The following PCDHGB3 variants were observed in gnomAD, a reference collection of about 807,000 sequenced individuals.
PCDHGB3 encodes protocadherin gamma-B3.
A neutral mutation model predicts 59.2 loss-of-function variants in PCDHGB3; 40 were observed. The ratio of observed to expected loss-of-function variants is 0.68; its 90% CI spans 0.52 to 0.88. The LOEUF is 0.88. Ranked by LOEUF, PCDHGB3 falls within the 40% of genes least tolerant of loss-of-function variation. The pLI is 0.00. For missense variants in PCDHGB3, 1,309 were observed against 1,187.9 expected, an observed-to-expected ratio of 1.10 and a Z score of -1.50; for synonymous variants, 581 against 503.6, an observed-to-expected ratio of 1.15 and a Z score of -2.06.
rs35482758 is a variant in PCDHGB3, at chr5:141,473,653, G to A, written c.2416-21154G>A. On this transcript the variant is annotated intron_variant, in intron 1 of 3. Coordinates refer to ENST00000576222, the MANE Select transcript of PCDHGB3 (RefSeq NM_018924.5). ...AGCTTTCCTGGCAAAGGAACAATTT[G>A]TGTGAAGGCCCTGAGACAGGGAAGG... Among the ~76,000 whole-genome samples, 302 of 152,274 alleles carry A rather than the reference G, an allele frequency of 2.0e-3. 1 individual carries two copies. Among genetic ancestry groups the A allele is most frequent in the Middle Eastern group, 0.01 (3 of 294 alleles).
intron 1 of PCDHGB3, chr5:141,475,949 G>A: frequency 1.3e-6 from 1 of 758,910 alleles, no homozygotes; most frequent in South Asian, 1.9e-5. Flanking sequence ...TCCCCTTTCT[G>A]CGCCCCGGGA....
intron 1 of PCDHGB3, chr5:141,395,523 C>A: frequency 7.5e-6 from 3 of 400,150 alleles, no homozygotes; most frequent in Non-Finnish European, 1.3e-5. Flanking sequence ...CCCGTCCATA[C>A]TGGTAATTTT....
rs148331367 is a variant in PCDHGB3 at position 141,435,055 on chromosome 5, A to C, written c.2416-59752A>C. ...TTTATTTTTTTCCCATTGACCATGC[A>C]GCAGTTTTGTGTAGACCGTCTGATA... On this transcript the variant is annotated intron_variant, in intron 1 of 3. Transcript: ENST00000576222. Among the ~76,000 whole-genome samples, 21 of 152,242 alleles carry C rather than the reference A, an allele frequency of 1.4e-4. No individual in the cohort carries two copies. The East Asian group carries it at 4.0e-3, about 29-fold the overall frequency.
At chr5:141,445,207 AAAGT>A (rs1322618652) in intron 1 of PCDHGB3, among the ~76,000 whole-genome samples, 1 of 152,196 alleles carries the variant, frequency 6.6e-6, no homozygotes, top group Non-Finnish European at 1.5e-5. Flanking sequence ...ATGCTTTTGA[AAAGT>A]AAGAGGTGCA....
intron 1 of PCDHGB3, chr5:141,441,671 C>A (rs1027440120): frequency 7.0e-6 from 2 of 287,530 alleles, no homozygotes; most frequent in South Asian, 2.9e-5. Flanking sequence ...GCGCACAGTG[C>A]GCCTTCGACC....
intron 1 of PCDHGB3, chr5:141,375,477 AC>A (rs768233872): frequency 3.1e-6 from 5 of 1,613,798 alleles, no homozygotes; most frequent in Non-Finnish European, 4.2e-6. Context: ...CTTGAAAACA[AC>A]CCCAGGGGTG....
chr5:141,425,742 A>T (rs1315830227), intron 1 of PCDHGB3, among the ~76,000 whole-genome samples: 1 of 152,246 alleles, frequency 6.6e-6, no homozygotes, highest in Non-Finnish European at 1.5e-5. Flanking sequence ...GTTTTCCCAC[A>T]AGGTTTTTGT....
rs775674745 is a variant in PCDHGB3 at position 141,371,722 on chromosome 5, T to C, written c.1328T>C (p.Leu443Pro). The C allele has an allele frequency of 3.1e-5, 50 of 1,613,944 alleles. No homozygotes were observed. In the South Asian group the frequency reaches 5.4e-4, roughly 17 times the overall value. The change falls in exon 1 of 4, where the codon CTT (leucine) becomes CCT (proline). Residue 443 changes from leucine to proline, a missense_variant. By Grantham distance (98) the Leu-to-Pro change is moderately conservative. Coordinates refer to ENST00000576222, the MANE Select transcript of PCDHGB3 (RefSeq NM_018924.5). ...SSSKTITLHILDVNDNVPVFH... is the reference protein window; with the variant it reads ...SSSKTITLHIPDVNDNVPVFH... ...AGCAAGACCATCACTCTGCACATCC[T>C]TGATGTCAACGACAACGTTCCCGTT...
rs774898388 is a variant in PCDHGB3, at chr5:141,491,593, A to G, written c.2416-3214A>G. 6.8e-6 allele frequency: 11 copies of G among 1,613,918 alleles called. No individual in the cohort carries two copies. In the Admixed American group the frequency reaches 1.2e-4, roughly 17 times the overall value. Reference sequence around the variant, plus strand: ...GTGCTTTTCACCGGCCTCGGACGGCAGTGACTTCACTTTTCTAAGACCCCT... The same window carrying G: ...GTGCTTTTCACCGGCCTCGGACGGCGGTGACTTCACTTTTCTAAGACCCCT... On this transcript the variant is annotated intron_variant, in intron 1 of 3. Transcript: ENST00000576222. This position sits in a 1 kb window ranked among gnomAD's most constrained non-coding sequence, Gnocchi z 6.9.
chr5:141,459,909 G>A (rs7446907), intron 1 of PCDHGB3, among the ~76,000 whole-genome samples: 42,418 of 152,010 alleles, frequency 0.28, 6,645 homozygotes, highest in African/African-American at 0.43. Flanking sequence ...TGAGCTATGG[G>A]AGTTTTAAAA....
At chr5:141,506,084 C>T (rs1426222889) in intron 3 of PCDHGB3, among the ~76,000 whole-genome samples, 8 of 152,068 alleles carry the variant, frequency 5.3e-5, no homozygotes, top group African/African-American at 1.9e-4. Flanking sequence ...AATAGAGATT[C>T]GGCTAGTGGT....
intron 1 of PCDHGB3, chr5:141,420,239 C>G (rs984335177): frequency 1.3e-6 from 2 of 1,593,300 alleles, no homozygotes; most frequent in African/African-American, 2.7e-5. Flanking sequence ...CATTTTAACT[C>G]CCAGCGTTGA....
chr5:141,430,399 T>G (rs2097282187), intron 1 of PCDHGB3, among the ~76,000 whole-genome samples: 1 of 150,106 alleles, frequency 6.7e-6, no homozygotes, highest in Admixed American at 6.6e-5. Flanking sequence ...AAAAAAAAGC[T>G]CACTAAAGTT....
At chr5:141,374,684 G>A in intron 1 of PCDHGB3, 1 of 1,609,636 alleles carries the variant, frequency 6.2e-7, no homozygotes, top group Non-Finnish European at 8.5e-7. Flanking sequence ...GGGCACACTG[G>A]ACCGGGAAGG....
intron 1 of PCDHGB3, chr5:141,407,873 A>G (rs561323423): frequency 2.0e-5 from 7 of 354,686 alleles, no homozygotes; most frequent in African/African-American, 1.3e-4. Context: ...CGAAGAATAT[A>G]TACATTTCGG....
chr5:141,488,292 G>A (rs961688781), intron 1 of PCDHGB3, among the ~76,000 whole-genome samples: 1 of 152,216 alleles, frequency 6.6e-6, no homozygotes, highest in African/African-American at 2.4e-5. Flanking sequence ...AAAACAGTAA[G>A]TGAAATCACT....
chr5:141,458,694 C>T (rs905547768), intron 1 of PCDHGB3, among the ~76,000 whole-genome samples: 3 of 152,018 alleles, frequency 2.0e-5, no homozygotes, highest in Non-Finnish European at 2.9e-5. Flanking sequence ...CTCAGCCTCC[C>T]GAGTAGCTGG....
At chr5:141,399,125 T>C in intron 1 of PCDHGB3, 1 of 1,613,834 alleles carries the variant, frequency 6.2e-7, no homozygotes, top group South Asian at 1.1e-5. Context: ...GAAATTAATA[T>C]TCAAGATGAA....
At chr5:141,394,727 C>A in intron 1 of PCDHGB3, 1 of 1,613,436 alleles carries the variant, frequency 6.2e-7, no homozygotes, top group East Asian at 2.2e-5. Flanking sequence ...GAGATGCGCT[C>A]AAGCAGAGCC....
Sources: gnomAD v4.1 joint callset for allele counts (sites outside exome capture counted in the v4.1 genomes callset) on GRCh38, gnomAD v4.1.1 for gene constraint, Gnocchi (gnomAD v3.1) non-coding constraint, MANE v1.5 for transcripts, NCBI Gene and HGNC (gene_info 2026-07-23, HGNC 2026-07-21) for gene names.